Variants in SERPINI2 observed in about 807,000 individuals in gnomAD.
The protein encoded by SERPINI2 is serpin I2.
A neutral mutation model predicts 47.3 loss-of-function variants in SERPINI2; 48 were observed. That is an observed-to-expected ratio of 1.02 (90% CI 0.81 to 1.29). The LOEUF (loss-of-function observed/expected upper bound fraction) is 1.29. Ranked by LOEUF, SERPINI2 falls within the 50% of genes most tolerant of loss-of-function variation. The pLI is 0.00. For missense variants in SERPINI2, 448 were observed against 456.9 expected (o/e 0.98, Z 0.18); for synonymous variants, 135 against 149.3 (o/e 0.90, Z 0.70).
At chr3:167,442,276 T>C (rs899017339) in intron 8 of SERPINI2, 91 bp from the exon 9 acceptor site, 42 of 890,458 alleles carry the variant, frequency 4.7e-5, no homozygotes, top group Non-Finnish European at 6.5e-5. Context: ...TAACATGTCA[T>C]TTGGTCTTTT....
At chr3:167,455,826 G>A (rs1423861874) in intron 5 of SERPINI2, among the ~76,000 whole-genome samples, 1 of 152,062 alleles carries the variant, frequency 6.6e-6, no homozygotes, top group East Asian at 1.9e-4. Flanking sequence ...AGAAACAGGG[G>A]GCAGGGGCTA....
intron 7 of SERPINI2, among the ~76,000 whole-genome samples, chr3:167,448,375 C>G (rs1382796412): frequency 6.6e-6 from 1 of 152,176 alleles, no homozygotes; most frequent in African/African-American, 2.4e-5. Context: ...AAAAGGCAAG[C>G]TGCAAAGCAC....
At chr3:167,467,215 A>T (rs1462941244) in exon 3 of SERPINI2, 1 of 1,613,286 alleles carries the variant, frequency 6.2e-7, no homozygotes, top group Non-Finnish European at 8.5e-7. Context: ...CATTGGCAAG[A>T]TTAAATGTAA....
chr3:167,474,074 A>G (rs1750422047), exon 1 of SERPINI2: 1 of 1,029,482 alleles, frequency 9.7e-7, no homozygotes, highest in Non-Finnish European at 1.2e-6. Flanking sequence ...TCTTGTACAT[A>G]AACACCTGAG....
intron 3 of SERPINI2, 125 bp downstream of exon 3, chr3:167,466,930 A>G: frequency 4.0e-6 from 2 of 494,932 alleles, no homozygotes; most frequent in Non-Finnish European, 6.9e-6. Flanking sequence ...ATGAAATGAA[A>G]TAGGATATTT....
exon 4 of SERPINI2, chr3:167,465,647 C>T (rs143716417): frequency 6.2e-7 from 1 of 1,609,548 alleles, no homozygotes; most frequent in Non-Finnish European, 8.5e-7. Flanking sequence ...CCAAATTCTT[C>T]CCCTGAAAAC....
At chr3:167,454,368 A>G (rs1165033879) in intron 5 of SERPINI2, among the ~76,000 whole-genome samples, 4 of 152,212 alleles carry the variant, frequency 2.6e-5, no homozygotes, top group Non-Finnish European at 5.9e-5. Flanking sequence ...TGGACACAAC[A>G]TGCACATTAA....
intron 3 of SERPINI2, among the ~76,000 whole-genome samples, chr3:167,466,529 A>G (rs963708589): frequency 6.6e-6 from 1 of 152,218 alleles, no homozygotes; most frequent in Non-Finnish European, 1.5e-5. Flanking sequence ...TCAGATTTAT[A>G]TGAATTTGAA....
At chr3:167,458,235 G>A (rs896246933) in intron 5 of SERPINI2, among the ~76,000 whole-genome samples, 1 of 146,904 alleles carries the variant, frequency 6.8e-6, no homozygotes, top group African/African-American at 2.5e-5. Flanking sequence ...TAGTCTTAGT[G>A]AATTTCTTTC....
intron 1 of SERPINI2, among the ~76,000 whole-genome samples, chr3:167,472,151 A>C (rs1242206744): frequency 1.3e-4 from 20 of 152,108 alleles, no homozygotes; most frequent in Admixed American, 1.3e-3. Flanking sequence ...GTTATACAAT[A>C]GTTTTTTTCT....
At chr3:167,446,369 C>A (rs1373568967) in intron 8 of SERPINI2, 23 bp downstream of exon 8, 1 of 1,498,746 alleles carries the variant, frequency 6.7e-7, no homozygotes, top group Non-Finnish European at 9.2e-7. Flanking sequence ...TCAGTTCCCC[C>A]AAATAATTCT....
chr3:167,473,807 G>C, intron 1 of SERPINI2, 196 bp downstream of exon 1: 1 of 1,429,172 alleles, frequency 7.0e-7, no homozygotes, highest in African/African-American at 1.4e-5. Flanking sequence ...CTGATGAATA[G>C]TCCTATAAGA....
intron 2 of SERPINI2, among the ~76,000 whole-genome samples, chr3:167,470,000 G>A (rs925680863): frequency 2.0e-5 from 3 of 152,040 alleles, no homozygotes; most frequent in African/African-American, 7.2e-5. Context: ...TTTTGATAGT[G>A]CGTTATTACT....
chr3:167,459,078 G>GTTTTTTTTTTTTTTTTTTTTTTT (rs536122299), intron 5 of SERPINI2, among the ~76,000 whole-genome samples: 4 of 139,028 alleles, frequency 2.9e-5, no homozygotes, highest in African/African-American at 1.1e-4. Flanking sequence ...GTTTTTTTTT[G>GTTTTTTTTTTTTTTTTTTTTTTT]TTTTTTTTTT....
At chr3:167,456,498 T>C (rs1749797036) in intron 5 of SERPINI2, among the ~76,000 whole-genome samples, 1 of 152,212 alleles carries the variant, frequency 6.6e-6, no homozygotes, top group Non-Finnish European at 1.5e-5. Context: ...TTATGTCCTG[T>C]GGTAAGTGTT....
At position 167,471,754 on chromosome 3, in the gene SERPINI2, G is replaced by A. The variant is rs201084504; in HGVS notation, c.81C>T (p.Thr27=). The A allele has an allele frequency of 1.3e-5, 21 of 1,613,322 alleles. No individual in the cohort carries two copies. The Admixed American group carries it at 1.8e-4, about 14-fold the overall frequency. The stretch of plus-strand genomic sequence containing the variant: ...CTTGATAAAGATCCACTGCAAATTC[G>A]GTATTTTTTTGAGCTGAGCATCTTG... Residue 27 remains threonine, a synonymous_variant, in exon 2 of 9, where the codon ACC becomes ACT. Transcript: ENST00000264677.
chr3:167,462,638 T>TG lies in SERPINI2; in HGVS notation c.866+2567dup, dbSNP rs202210651. Among the ~76,000 whole-genome samples, 53 of 152,136 alleles carry TG rather than the reference T, an allele frequency of 3.5e-4. No individual in the cohort carries two copies. The East Asian group carries it at 7.9e-3, about 23-fold the overall frequency. On this transcript the variant is annotated intron_variant, in intron 5 of 8. Coordinates refer to ENST00000264677, the Ensembl canonical transcript of SERPINI2. ...TAGAACTTCACCATATGAATTTGGGTGGGGGGATGCAATTCAACCCATAAC... is the reference window on the plus strand; with the variant it reads ...TAGAACTTCACCATATGAATTTGGGTGGGGGGGATGCAATTCAACCCATAAC...
At chr3:167,474,330 G>A (rs1311737773), upstream of SERPINI2, among the ~76,000 whole-genome samples, 4 of 151,622 alleles carry the variant, frequency 2.6e-5, no homozygotes, top group East Asian at 1.9e-4. Flanking sequence ...TGCGCTACTG[G>A]TTGTAAATTT....
intron 6 of SERPINI2, among the ~76,000 whole-genome samples, chr3:167,450,160 C>A (rs888980399): frequency 2.0e-5 from 3 of 152,190 alleles, no homozygotes; most frequent in South Asian, 4.1e-4. Context: ...AATGTACTTG[C>A]CTTCAAATCT....
Sources: gnomAD v4.1 joint callset for allele counts (sites outside exome capture counted in the v4.1 genomes callset) on GRCh38, gnomAD v4.1.1 for gene constraint, MANE v1.5 for transcripts, NCBI Gene and HGNC (gene_info 2026-07-23, HGNC 2026-07-21) for gene names.